The following IQCM variants were observed in gnomAD, a reference collection of about 807,000 sequenced individuals.
The protein encoded by IQCM is IQ domain-containing protein M.
Under a neutral mutation model 57.6 loss-of-function variants are expected in IQCM, and 45 were observed. The ratio of observed to expected loss-of-function variants is 0.78; its 90% CI spans 0.62 to 1.00. The LOEUF is 1.00. Ranked by LOEUF, IQCM falls within the 50% of genes least tolerant of loss-of-function variation. The pLI, the probability that IQCM is intolerant of heterozygous loss-of-function variation, is 0.00. For missense variants in IQCM, 468 were observed against 511.6 expected (o/e 0.91, Z 0.82); for synonymous variants, 148 against 158.9 (o/e 0.93, Z 0.51).
At chr4:149,513,268 A>G (rs182557586) in intron 12 of IQCM, among the ~76,000 whole-genome samples, 1 of 152,270 alleles carries the variant, frequency 6.6e-6, no homozygotes, top group East Asian at 1.9e-4. Flanking sequence ...GATGAATGAG[A>G]CTTCTGTAGT....
At chr4:149,683,802 A>G (rs1762366442) in intron 6 of IQCM, among the ~76,000 whole-genome samples, 2 of 151,328 alleles carry the variant, frequency 1.3e-5, no homozygotes, top group Admixed American at 1.3e-4. Context: ...CTGAAGCAAA[A>G]TATTTTACAG....
At chr4:149,684,738 T>C (rs1424910772) in intron 6 of IQCM, among the ~76,000 whole-genome samples, 1 of 151,472 alleles carries the variant, frequency 6.6e-6, no homozygotes, top group Non-Finnish European at 1.5e-5. Context: ...CCAAAAATCC[T>C]TAGTCACCAC....
intron 12 of IQCM, among the ~76,000 whole-genome samples, chr4:149,469,231 G>T (rs1579163815): frequency 6.6e-6 from 1 of 152,124 alleles, no homozygotes; most frequent in Non-Finnish European, 1.5e-5. Context: ...CTTGAAAAAA[G>T]ATTAGACAAA....
At chr4:149,734,652 C>T (rs1190507655) in intron 4 of IQCM, among the ~76,000 whole-genome samples, 2 of 151,882 alleles carry the variant, frequency 1.3e-5, no homozygotes, top group Non-Finnish European at 2.9e-5. Context: ...CACAGTAAAC[C>T]ATCCGAAGTT....
intron 7 of IQCM, among the ~76,000 whole-genome samples, chr4:149,660,550 C>T (rs1760091537): frequency 6.6e-6 from 1 of 152,184 alleles, no homozygotes; most frequent in South Asian, 2.1e-4. Flanking sequence ...TATTGCAGCA[C>T]TATTCACAAT....
intron 13 of IQCM, among the ~76,000 whole-genome samples, chr4:149,364,997 T>G (rs930928138): frequency 6.6e-6 from 1 of 152,054 alleles, no homozygotes; most frequent in Non-Finnish European, 1.5e-5. Context: ...ATTATAGATA[T>G]GTTTACAAAT....
At chr4:149,438,141 C>G (rs1161698303) in intron 12 of IQCM, among the ~76,000 whole-genome samples, 1 of 151,854 alleles carries the variant, frequency 6.6e-6, no homozygotes, top group Non-Finnish European at 1.5e-5. Flanking sequence ...TTTATAAGTA[C>G]AGATAGAAAT....
intron 7 of IQCM, among the ~76,000 whole-genome samples, chr4:149,641,645 C>T (rs1410903231): frequency 6.6e-6 from 1 of 152,030 alleles, no homozygotes. Flanking sequence ...CCATATTTTC[C>T]TCTACAGAGG....
chr4:149,656,709 T>G (rs1310307308), intron 7 of IQCM, among the ~76,000 whole-genome samples: 1 of 152,014 alleles, frequency 6.6e-6, no homozygotes, highest in African/African-American at 2.4e-5. Flanking sequence ...CAATCCGTGG[T>G]GGGGCAGGCA....
At chr4:149,489,293 A>G (rs985067639) in intron 12 of IQCM, among the ~76,000 whole-genome samples, 1 of 152,118 alleles carries the variant, frequency 6.6e-6, no homozygotes, top group African/African-American at 2.4e-5. Context: ...CAGCAAGTAC[A>G]TTATTTGTTG....
At chr4:149,670,140 T>C (rs1030720219) in intron 7 of IQCM, among the ~76,000 whole-genome samples, 7 of 152,202 alleles carry the variant, frequency 4.6e-5, no homozygotes, top group African/African-American at 1.7e-4. Context: ...GTTTGTGTCC[T>C]CTTTTATTTC....
intron 12 of IQCM, among the ~76,000 whole-genome samples, chr4:149,479,054 GC>G (rs2149745969): frequency 6.6e-6 from 1 of 152,134 alleles, no homozygotes; most frequent in Non-Finnish European, 1.5e-5. Context: ...ATCAAAAGAG[GC>G]AATAATTCCA....
intron 13 of IQCM, among the ~76,000 whole-genome samples, chr4:149,425,644 A>G (rs1167029809): frequency 6.6e-6 from 1 of 151,970 alleles, no homozygotes; most frequent in Non-Finnish European, 1.5e-5. Context: ...CAATGAGGGA[A>G]ATCTTCTTTA....
chr4:149,431,331 T>G (rs1370586300), intron 13 of IQCM, among the ~76,000 whole-genome samples: 1 of 152,060 alleles, frequency 6.6e-6, no homozygotes, highest in Non-Finnish European at 1.5e-5. Context: ...TGACACTTGA[T>G]ATGGCCAGTC....
intron 13 of IQCM, among the ~76,000 whole-genome samples, chr4:149,424,258 C>T (rs1371341323): frequency 6.6e-6 from 1 of 151,572 alleles, no homozygotes; most frequent in Non-Finnish European, 1.5e-5. Context: ...CTCATTTCTC[C>T]TTTTCATTGA....
chr4:149,401,417 A>G (rs1239525467), intron 13 of IQCM, among the ~76,000 whole-genome samples: 1 of 151,842 alleles, frequency 6.6e-6, no homozygotes, highest in Non-Finnish European at 1.5e-5. Flanking sequence ...AGAGAGAGGC[A>G]ATCATTTTTT....
chr4:149,652,300 G>A (rs1440497703), intron 7 of IQCM, among the ~76,000 whole-genome samples: 3 of 152,036 alleles, frequency 2.0e-5, no homozygotes, highest in African/African-American at 7.2e-5. Flanking sequence ...CTGTTGAGGG[G>A]TGGAGGGAAG....
At chr4:149,590,566 G>A (rs181099258) in intron 8 of IQCM, among the ~76,000 whole-genome samples, 2 of 151,746 alleles carry the variant, frequency 1.3e-5, no homozygotes, top group Non-Finnish European at 2.9e-5. Flanking sequence ...TCCATCATCT[G>A]CATTAGGTTT....
intron 8 of IQCM, among the ~76,000 whole-genome samples, chr4:149,595,634 T>C (rs973692988): frequency 1.3e-5 from 2 of 152,172 alleles, no homozygotes; most frequent in Admixed American, 6.6e-5. Flanking sequence ...CTGCTACTAA[T>C]ACGATTTAAA....
Sources: allele counts gnomAD v4.1 joint callset (sites outside exome capture counted in the v4.1 genomes callset), GRCh38; gene constraint gnomAD v4.1.1; transcripts MANE v1.5; gene names NCBI Gene and HGNC (gene_info 2026-07-23, HGNC 2026-07-21).